Variants in SH2D4A observed in about 807,000 individuals in gnomAD.
The protein encoded by SH2D4A is SH2 domain containing 4A, also known as SH2 domain-containing protein 4A.
In SH2D4A, 70 loss-of-function variants were observed where a neutral mutation model predicts 64.7. The ratio of observed to expected loss-of-function variants is 1.08; its 90% confidence interval spans 0.89 to 1.32. The LOEUF (loss-of-function observed/expected upper bound fraction) is 1.32. Ranked by LOEUF, SH2D4A falls within the 40% of genes most tolerant of loss-of-function variation. The pLI, the probability that SH2D4A is intolerant of heterozygous loss-of-function variation, is 0.00. For missense variants in SH2D4A, 706 were observed against 540.1 expected, an observed-to-expected ratio of 1.31 and a Z score of -3.04; for synonymous variants, 268 against 200.7, an observed-to-expected ratio of 1.34 and a Z score of -2.83.
intron 4 of SH2D4A, among the ~76,000 whole-genome samples, chr8:19,340,795 A>T (rs2052517784): frequency 6.6e-6 from 1 of 151,784 alleles, no homozygotes; most frequent in Non-Finnish European, 1.5e-5. Context: ...ACAGGGTTTC[A>T]CTGTGTTGCC....
chr8:19,317,596 G>T (rs1019051283), intron 1 of SH2D4A, among the ~76,000 whole-genome samples: 1 of 152,132 alleles, frequency 6.6e-6, no homozygotes, highest in Admixed American at 6.5e-5. Context: ...GCTGTTGAGC[G>T]TGCTTGTCTC....
At chr8:19,367,855 T>C (rs1371507882) in intron 7 of SH2D4A, among the ~76,000 whole-genome samples, 1 of 152,028 alleles carries the variant, frequency 6.6e-6, no homozygotes, top group Non-Finnish European at 1.5e-5. Flanking sequence ...GTGGGAGGAT[T>C]GCTTGAGGCC....
intron 4 of SH2D4A, among the ~76,000 whole-genome samples, chr8:19,351,590 G>A (rs1327119904): frequency 6.6e-6 from 1 of 151,624 alleles, no homozygotes; most frequent in Non-Finnish European, 1.5e-5. Flanking sequence ...GCAACAGAGT[G>A]AGACTCTGAC....
intron 9 of SH2D4A, among the ~76,000 whole-genome samples, chr8:19,393,746 T>C (rs576152175): frequency 6.6e-6 from 1 of 152,256 alleles, no homozygotes; most frequent in South Asian, 2.1e-4. Flanking sequence ...CCTTAAATAC[T>C]CAGGGAACCC....
chr8:19,344,467 ACTT>A (rs1037993138), intron 4 of SH2D4A, among the ~76,000 whole-genome samples: 18 of 151,998 alleles, frequency 1.2e-4, no homozygotes, highest in Non-Finnish European at 1.5e-4. Context: ...GTTCTCTCTT[ACTT>A]CTTCTTCTGC....
Position 19,334,639 on chromosome 8 carries a change from C to T in SH2D4A, c.342-47C>T, listed in dbSNP as rs756492962. ...CGACATATGCTTTGGAAAGGCTCTT[C>T]CTGTTGAAGAATGTTTTTTGAGAAT... is the stretch of plus-strand genomic sequence containing the variant. On this transcript the variant is annotated intron_variant, in intron 3 of 9. Coordinates refer to ENST00000265807, the MANE Select transcript of SH2D4A (RefSeq NM_022071.4). The T allele has an allele frequency of 7.1e-6, 11 of 1,548,306 alleles. No homozygotes were observed. In the South Asian group the frequency reaches 1.4e-4, roughly 19 times the overall value.
In SH2D4A at chr8:19,394,823, A is replaced by G. The variant is rs182424387; in HGVS notation, c.*181A>G. 4.5e-4 allele frequency: 186 copies of G among 409,304 alleles called. 2 individuals are homozygous for G. The highest frequency in any genetic ancestry group is 1.3e-3 in the Middle Eastern group (2 of 1,600). The allele number at this position is 409,304 out of a possible 1,614,324, so 25.4% of individuals were successfully genotyped here. ...TTTTCTGCACAAATACTGGAATTCA[A>G]TGTCAAGAGAAAATGACCTCTGCTC... On this transcript the variant is annotated 3_prime_UTR_variant, in exon 10 of 10. Coordinates refer to ENST00000265807, the MANE Select transcript of SH2D4A (RefSeq NM_022071.4).
At chr8:19,345,125 A>G (rs2052592091) in intron 4 of SH2D4A, among the ~76,000 whole-genome samples, 1 of 152,178 alleles carries the variant, frequency 6.6e-6, no homozygotes, top group Non-Finnish European at 1.5e-5. Flanking sequence ...TTTAGTGATC[A>G]TAGAGCCCAG....
chr8:19,351,331 C>T (rs1288414765), intron 4 of SH2D4A, among the ~76,000 whole-genome samples: 1 of 152,214 alleles, frequency 6.6e-6, no homozygotes, highest in Non-Finnish European at 1.5e-5. Flanking sequence ...CTGCTGGGCA[C>T]AGTGGCTCAT....
chr8:19,354,723 C>T (rs142177588), intron 4 of SH2D4A, among the ~76,000 whole-genome samples: 1 of 152,212 alleles, frequency 6.6e-6, no homozygotes, highest in Non-Finnish European at 1.5e-5. Flanking sequence ...ATAACTCACG[C>T]ATTGTGTTCA....
Position 19,394,942 on chromosome 8 carries a change from A to T in SH2D4A, c.*300A>T. ...AAATAAAACAAATGAAGAAATGGAAAACTTTTAGAAATTAAGGTGTACTTG... is the reference window on the plus strand; with the variant it reads ...AAATAAAACAAATGAAGAAATGGAATACTTTTAGAAATTAAGGTGTACTTG... On this transcript the variant is annotated 3_prime_UTR_variant, in exon 10 of 10. Transcript: ENST00000265807. 4.9e-6 allele frequency: 1 copy of T among 203,190 alleles called. No individual in the cohort carries two copies. The highest frequency in any genetic ancestry group is 9.8e-6 in the Non-Finnish European group (1 of 102,210). The allele number at this position is 203,190 out of a possible 1,614,324, so 12.6% of individuals were successfully genotyped here.
At chr8:19,356,764 C>G (rs919041218) in intron 4 of SH2D4A, among the ~76,000 whole-genome samples, 2 of 152,236 alleles carry the variant, frequency 1.3e-5, no homozygotes, top group Non-Finnish European at 1.5e-5. Context: ...ACGCACCAAA[C>G]TTGTGCTCCA....
chr8:19,335,458 C>A (rs1234407602), intron 4 of SH2D4A, among the ~76,000 whole-genome samples: 1 of 152,118 alleles, frequency 6.6e-6, no homozygotes, highest in African/African-American at 2.4e-5. Context: ...CAATGCTGCC[C>A]CATTATATGT....
chr8:19,363,851 C>G (rs1259749240), intron 6 of SH2D4A: 3 of 550,864 alleles, frequency 5.4e-6, no homozygotes, highest in Non-Finnish European at 9.7e-6. Flanking sequence ...CTCTCCCTCT[C>G]AGAAAACCCC....
chr8:19,364,419 C>A, intron 7 of SH2D4A, 137 bp downstream of exon 7: 1 of 900,586 alleles, frequency 1.1e-6, no homozygotes, highest in Non-Finnish European at 1.7e-6. Context: ...AGCTCAGGTT[C>A]ATGTCTAAGC....
intron 7 of SH2D4A, among the ~76,000 whole-genome samples, chr8:19,368,936 T>C (rs1196041735): frequency 1.3e-5 from 2 of 152,180 alleles, no homozygotes; most frequent in East Asian, 3.8e-4. Context: ...AACTTTCCAT[T>C]TTTCCTCTTT....
chr8:19,322,038 C>G (rs183266483), intron 2 of SH2D4A, among the ~76,000 whole-genome samples: 1 of 152,130 alleles, frequency 6.6e-6, no homozygotes, highest in East Asian at 1.9e-4. Context: ...CAATATCTCA[C>G]GTCAAAAGTG....
chr8:19,388,271 C>T (rs78098336), intron 8 of SH2D4A, among the ~76,000 whole-genome samples: 2,503 of 152,264 alleles, frequency 0.016, 87 homozygotes, highest in African/African-American at 0.057. Context: ...GCCTTTTCTG[C>T]GTTAGTTTCC....
At chr8:19,373,697 A>G in intron 8 of SH2D4A, 37 bp downstream of exon 8, 1 of 1,597,594 alleles carries the variant, frequency 6.3e-7, no homozygotes, top group Non-Finnish European at 8.6e-7. Context: ...GTTTCGTCTT[A>G]GGGCGGATGA....
Sources: gnomAD v4.1 joint callset for allele counts (sites outside exome capture counted in the v4.1 genomes callset) on GRCh38, gnomAD v4.1.1 for gene constraint, MANE v1.5 for transcripts, NCBI Gene and HGNC (gene_info 2026-07-23, HGNC 2026-07-21) for gene names.